Variants in PLLP observed in about 807,000 individuals in gnomAD.
PLLP encodes the protein plasma membrane proteolipid (plasmolipin).
In PLLP, 15 loss-of-function variants were observed where a neutral mutation model predicts 19.7. The observed-to-expected ratio is 0.76, with a 90% CI of 0.51 to 1.17. The LOEUF (loss-of-function observed/expected upper bound fraction) is 1.17. Among genes scored for constraint, PLLP ranks in the 50% most tolerant of loss-of-function variants. The pLI, the probability that PLLP is intolerant of heterozygous loss-of-function variation, is 0.00. For synonymous variants in PLLP, 111 were observed against 116.3 expected, an observed-to-expected ratio of 0.95 and a Z score of 0.29; for missense variants, 255 against 258.3, an observed-to-expected ratio of 0.99 and a Z score of 0.09.
chr16:57,284,237 C>A (rs1274078477), intron 1 of PLLP, among the ~76,000 whole-genome samples, 169 bp downstream of exon 1: 1 of 152,124 alleles, frequency 6.6e-6, no homozygotes, highest in Non-Finnish European at 1.5e-5. Flanking sequence ...ATCTTGGGGG[C>A]GTCCGTGCGG....
intron 2 of PLLP, among the ~76,000 whole-genome samples, chr16:57,260,399 G>C (rs1183487618): frequency 1.3e-5 from 2 of 152,156 alleles, no homozygotes; most frequent in Non-Finnish European, 2.9e-5. Context: ...TGGGACGTGA[G>C]GGAGGGGGTG....
intron 1 of PLLP, among the ~76,000 whole-genome samples, chr16:57,266,645 AC>A (rs2075458191): frequency 6.6e-6 from 1 of 151,998 alleles, no homozygotes. Context: ...CTATGCCTTC[AC>A]CCCTGGGCCC....
At chr16:57,272,507 G>A (rs1381316415) in intron 1 of PLLP, among the ~76,000 whole-genome samples, 1 of 152,192 alleles carries the variant, frequency 6.6e-6, no homozygotes, top group African/African-American at 2.4e-5. Flanking sequence ...TCAGTCCCGT[G>A]CACCCTGGCC....
intron 1 of PLLP, among the ~76,000 whole-genome samples, chr16:57,281,889 G>C (rs1289022557): frequency 6.6e-6 from 1 of 152,128 alleles, no homozygotes; most frequent in Non-Finnish European, 1.5e-5. Flanking sequence ...TCCCCTCAAA[G>C]GCACTGCAGG....
intron 1 of PLLP, 111 bp downstream of exon 1, chr16:57,284,295 G>C (rs773295299): frequency 2.8e-4 from 275 of 998,016 alleles, no homozygotes; most frequent in Non-Finnish European, 3.4e-4. Context: ...GTGTGAGCCC[G>C]GGTGGGGAGC....
chr16:57,275,003 C>T (rs538342256), intron 1 of PLLP, among the ~76,000 whole-genome samples: 31 of 150,138 alleles, frequency 2.1e-4, no homozygotes, highest in Admixed American at 4.7e-4. Context: ...CCTCGTGATC[C>T]GCCCGCCTCG....
At chr16:57,264,766 T>C (rs2075452077) in intron 1 of PLLP, among the ~76,000 whole-genome samples, 1 of 152,160 alleles carries the variant, frequency 6.6e-6, no homozygotes, top group African/African-American at 2.4e-5. Flanking sequence ...GGAGGATCGC[T>C]TGAACCTGGG....
intron 1 of PLLP, among the ~76,000 whole-genome samples, chr16:57,272,141 C>T (rs937704787): frequency 6.6e-6 from 1 of 152,222 alleles, no homozygotes; most frequent in Admixed American, 6.5e-5. Context: ...TGGGCCCAAC[C>T]CTCTCAAGGG....
chr16:57,272,535 T>C (rs889182071), intron 1 of PLLP, among the ~76,000 whole-genome samples: 13 of 152,126 alleles, frequency 8.5e-5, no homozygotes, highest in African/African-American at 2.9e-4. Context: ...GCTGGAGGAA[T>C]TGGGGTGCTA....
chr16:57,267,750 G>A (rs772042254), intron 1 of PLLP, among the ~76,000 whole-genome samples: 1 of 150,774 alleles, frequency 6.6e-6, no homozygotes, highest in Non-Finnish European at 1.5e-5. Flanking sequence ...ATGGTGGCAT[G>A]TGCCTGTAAT....
chr16:57,265,826 G>A (rs2075455119), intron 1 of PLLP, among the ~76,000 whole-genome samples: 1 of 152,228 alleles, frequency 6.6e-6, no homozygotes, highest in African/African-American at 2.4e-5. Flanking sequence ...TCAGGAGTTC[G>A]AAACCAGCCT....
intron 1 of PLLP, among the ~76,000 whole-genome samples, chr16:57,276,484 C>T (rs1193322667): frequency 4.0e-5 from 6 of 151,024 alleles, no homozygotes; most frequent in African/African-American, 9.7e-5. Flanking sequence ...CCCAGCTACT[C>T]GGGAGTCTAA....
In PLLP at chr16:57,284,389, C is replaced by A; in HGVS notation, c.135+17G>T. Reference sequence around the variant, plus strand: ...GGGAGCCCCCGGCCAACCCCGTGGGCCCGCGCGTGCTCTCACCAGCTGCAG... The same window carrying A: ...GGGAGCCCCCGGCCAACCCCGTGGGACCGCGCGTGCTCTCACCAGCTGCAG... On this transcript the variant is annotated intron_variant, in intron 1 of 3. Coordinates refer to ENST00000219207, the MANE Select transcript of PLLP (RefSeq NM_015993.3). 1 of 1,375,858 alleles carries A rather than the reference C, an allele frequency of 7.3e-7. No homozygotes were observed. Among genetic ancestry groups the A allele is most frequent in the South Asian group, 1.6e-5 (1 of 63,190 alleles). 85.2% of individuals were successfully genotyped at this position (1,375,858 alleles called of 1,614,324 possible).
At position 57,270,000 on chromosome 16, in the gene PLLP, C is replaced by G. The variant is rs568680923; in HGVS notation, c.136-7930G>C. Among the ~76,000 whole-genome samples the G allele has an allele frequency of 5.7e-3, 870 of 152,290 alleles. 4 individuals carry two copies. The highest frequency in any genetic ancestry group is 9.1e-3 in the Non-Finnish European group (617 of 68,022). ...CCCGGGCTGGTCTCAAACTCCTGAC[C>G]TCAGATGATCCACCTGCCTTGGCCT... On this transcript the variant is annotated intron_variant, in intron 1 of 3. Transcript: ENST00000219207.
intron 1 of PLLP, among the ~76,000 whole-genome samples, chr16:57,270,762 T>A (rs2075472271): frequency 6.6e-6 from 1 of 152,050 alleles, no homozygotes; most frequent in Non-Finnish European, 1.5e-5. Flanking sequence ...CATTCCAGCA[T>A]TCGAGGATCC....
intron 1 of PLLP, among the ~76,000 whole-genome samples, chr16:57,270,101 C>G (rs551014220): frequency 6.6e-6 from 1 of 152,144 alleles, no homozygotes; most frequent in Non-Finnish European, 1.5e-5. Flanking sequence ...GTGACTGAAC[C>G]AAAGGTTTTT....
chr16:57,284,494 G>A lies in PLLP; in HGVS notation c.47C>T (p.Ala16Val). The stretch of plus-strand genomic sequence containing the variant: ...CGACACCGAGGCTTCGGCGCCCTGC[G>A]CAGGACTGCTGGTCCGCGTGCTAAC... ...SKVSTRTSSP[A>V]QGAEASVSAL... Residue 16 changes from alanine to valine, a missense_variant, in exon 1 of 4, where the codon GCG (alanine) becomes GTG (valine). Physicochemically the swap from Ala to Val is moderately conservative, Grantham distance 64. Transcript: ENST00000219207. 7.0e-7 allele frequency: 1 copy of A among 1,431,572 alleles called. No individual in the cohort carries two copies. The highest frequency in any genetic ancestry group is 2.5e-5 in the Admixed American group (1 of 39,722). The allele number at this position is 1,431,572 out of a possible 1,614,324, so 88.7% of individuals were successfully genotyped here. A position where few individuals can be genotyped will look rare whatever the true frequency, so the allele number is the denominator to read the frequency against.
chr16:57,279,054 C>T (rs1687489401), intron 1 of PLLP, among the ~76,000 whole-genome samples: 1 of 152,224 alleles, frequency 6.6e-6, no homozygotes, highest in Non-Finnish European at 1.5e-5. Flanking sequence ...TGCAAAGGCA[C>T]CTCTTATGCT....
chr16:57,278,436 A>AACACCC (rs1389736861), intron 1 of PLLP, among the ~76,000 whole-genome samples: 2 of 152,202 alleles, frequency 1.3e-5, no homozygotes, highest in Non-Finnish European at 2.9e-5. Context: ...AAAGACTAGA[A>AACACCC]ACACCCCAAA....
Sources: gnomAD v4.1 joint callset for allele counts (sites outside exome capture counted in the v4.1 genomes callset) on GRCh38, gnomAD v4.1.1 for gene constraint, MANE v1.5 for transcripts, NCBI Gene and HGNC (gene_info 2026-07-23, HGNC 2026-07-21) for gene names.